ALDH3A1: variants seen among roughly 807,000 people sequenced by gnomAD.
The protein encoded by ALDH3A1 is aldehyde dehydrogenase 3 family member A1.
ALDH3A1 carries 46 observed loss-of-function variants against 49.9 expected under a neutral mutation model. That is an observed-to-expected ratio of 0.92 (90% CI 0.73 to 1.18). ALDH3A1 has a LOEUF of 1.18. ALDH3A1 is among the 50% of genes most tolerant of loss of function. The pLI, the probability that ALDH3A1 is intolerant of heterozygous loss-of-function variation, is 0.00. For synonymous variants in ALDH3A1, 269 were observed against 253.3 expected (o/e 1.06, Z -0.59); for missense variants, 592 against 611.8 (o/e 0.97, Z 0.34).
rs1187615809 is a variant in ALDH3A1, at chr17:19,748,259, C to T, written c.-6G>A. ...TAAGGAATGCAGGGAAGAGGATTAC[C>T]TTTGACACAGCCTCTCCCGGTAACT... On this transcript the variant is annotated splice_region_variant and 5_prime_UTR_variant, in exon 1 of 11. Coordinates refer to ENST00000225740, the MANE Select transcript of ALDH3A1 (RefSeq NM_000691.5). The surrounding 1 kb of genome is among the most constrained non-coding windows in gnomAD (Gnocchi z 4.4). 5.9e-6 allele frequency: 3 copies of T among 505,370 alleles called. No homozygotes were observed. The highest frequency in any genetic ancestry group is 3.2e-4 in the Middle Eastern group (1 of 3,100). The allele number at this position is 505,370 out of a possible 1,614,324, so 31.3% of individuals were successfully genotyped here.
intron 5 of ALDH3A1, among the ~76,000 whole-genome samples, chr17:19,741,616 T>C (rs1466080842): frequency 6.6e-6 from 1 of 152,126 alleles, no homozygotes; most frequent in East Asian, 1.9e-4. Flanking sequence ...GCGGTGGCCC[T>C]TCTCCCCTCT....
chr17:19,742,187 C>T lies in ALDH3A1; in HGVS notation c.506G>A (p.Gly169Asp), dbSNP rs1230054217. ...GAGCAGCTCCGTGGTCTCAGGGACA[C>T]CCCCATTGATTACTGGGTACAGATC... ...DKDLYPVING[G>D]VPETTELLKE... is the part of the protein sequence containing the mutation. Residue 169 changes from glycine to aspartate, a missense_variant, in exon 5 of 11, where the codon GGT becomes GAT. Gly to Asp is a moderately conservative substitution (Grantham distance 94). Coordinates refer to ENST00000225740, the MANE Select transcript of ALDH3A1 (RefSeq NM_000691.5). 1 of 1,613,890 alleles carries T rather than the reference C, an allele frequency of 6.2e-7. No individual in the cohort carries two copies.
rs1169457784 is a variant in ALDH3A1 at position 19,743,201 on chromosome 17, C to T, written c.394+31G>A. 1.2e-6 allele frequency: 2 copies of T among 1,611,878 alleles called. No individual in the cohort carries two copies. Among genetic ancestry groups the T allele is most frequent in the Non-Finnish European group, 1.7e-6 (2 of 1,179,384 alleles). ...GGCTCCACGCTGGGGGACGGTGCTC[C>T]CCCAGCTTCCCTTCCCACAGGGCCA... On this transcript the variant is annotated intron_variant, in intron 3 of 10. Transcript: ENST00000225740. The surrounding 1 kb of genome is among the most constrained non-coding windows in gnomAD (Gnocchi z 4.4).
chr17:19,741,254 G>A lies in ALDH3A1; in HGVS notation c.690-44C>T, dbSNP rs374462271. On this transcript the variant is annotated intron_variant, in intron 5 of 10. Coordinates refer to ENST00000225740, the MANE Select transcript of ALDH3A1 (RefSeq NM_000691.5). ...GGACTAAATCCAAAAGGTTCCCCAG[G>A]AGTTGCATCTCGTTTTGCAGACCCC... 3.9e-4 allele frequency: 615 copies of A among 1,568,398 alleles called. 3 individuals carry two copies. The South Asian group carries it at 6.3e-3, about 16-fold the overall frequency.
rs756077032 is a variant in ALDH3A1, at chr17:19,743,708, C to T, written c.163-245G>A. On this transcript the variant is annotated intron_variant, in intron 2 of 10. Coordinates refer to ENST00000225740, the MANE Select transcript of ALDH3A1 (RefSeq NM_000691.5). This position sits in a 1 kb window ranked among gnomAD's most constrained non-coding sequence, Gnocchi z 4.4. ...GGTTTGCGGCCCCAGGGGAGAGAGC[C>T]GGTGAAGGGACCAGGCATGGGCAAC... is the stretch of plus-strand genomic sequence containing the variant. 1.4e-4 allele frequency: 141 copies of T among 983,612 alleles called. No individual in the cohort carries two copies. The highest frequency in any genetic ancestry group is 1.7e-4 in the Non-Finnish European group (137 of 829,710). 60.9% of individuals were successfully genotyped at this position (983,612 alleles called of 1,614,324 possible).
At position 19,744,908 on chromosome 17, in the gene ALDH3A1, C is replaced by CCG. The variant is rs1555546881; in HGVS notation, c.162+59_162+60insCG. ...TGGGTCGCACTCTCCCCAGCCCCTC[C>CCG]CCCCACGCCCCATCGCATGGCCCCG... is the stretch of plus-strand genomic sequence containing the variant. On this transcript the variant is annotated intron_variant, in intron 2 of 10. Transcript: ENST00000225740. The CCG allele has an allele frequency of 1.7e-5, 15 of 908,424 alleles. 1 individual carries two copies. Among genetic ancestry groups the CCG allele is most frequent in the African/African-American group, 7.5e-5 (4 of 53,468 alleles). 56.3% of individuals were successfully genotyped at this position (908,424 alleles called of 1,614,324 possible). A position where few individuals can be genotyped will look rare whatever the true frequency, so the allele number is the denominator to read the frequency against.
intron 1 of ALDH3A1, among the ~76,000 whole-genome samples, chr17:19,746,638 C>CATGTGTGT (rs2086599698): frequency 6.0e-5 from 8 of 132,572 alleles, no homozygotes; most frequent in Non-Finnish European, 1.1e-4. Flanking sequence ...TGTGTGTGTG[C>CATGTGTGT]GTGTGCGTGT....
At chr17:19,741,788 C>A (rs554198397) in intron 5 of ALDH3A1, among the ~76,000 whole-genome samples, 1 of 152,252 alleles carries the variant, frequency 6.6e-6, no homozygotes, top group Admixed American at 6.5e-5. Flanking sequence ...TCAGCCTAGA[C>A]CTCTCCCCCT....
chr17:19,746,722 T>C (rs1029316699), intron 1 of ALDH3A1, among the ~76,000 whole-genome samples: 2 of 150,864 alleles, frequency 1.3e-5, no homozygotes, highest in Non-Finnish European at 3.0e-5. Context: ...TGTGCGTGTG[T>C]GTGCGCGCGT....
intron 1 of ALDH3A1, among the ~76,000 whole-genome samples, chr17:19,747,092 AC>A (rs1422911892): frequency 6.6e-6 from 1 of 152,178 alleles, no homozygotes; most frequent in African/African-American, 2.4e-5. Context: ...ATAACTTTTA[AC>A]ATCAGCAGAA....
chr17:19,745,136 TGGGGACA>T lies in ALDH3A1; in HGVS notation c.-5-9_-5-3del, dbSNP rs757670168. The T allele has an allele frequency of 1.9e-6, 3 of 1,569,184 alleles. No homozygotes were observed. In the African/African-American group the frequency reaches 4.1e-5, roughly 22 times the overall value. On this transcript the variant is annotated splice_region_variant and splice_polypyrimidine_tract_variant and intron_variant, in intron 1 of 10. Transcript: ENST00000225740. ...CCTCGCTGATCTTGCTCATGGCGCCTGGGGACAGAGAGCACCTGCAGCTGGCTGAGGG... is the reference window on the plus strand; with the variant it reads ...CCTCGCTGATCTTGCTCATGGCGCCTGAGAGCACCTGCAGCTGGCTGAGGG...
intron 6 of ALDH3A1, 31 bp from the exon 7 acceptor site, chr17:19,740,508 G>A: frequency 6.2e-7 from 1 of 1,611,492 alleles, no homozygotes; most frequent in Non-Finnish European, 8.5e-7. Flanking sequence ...CTTCGGGTAA[G>A]GACGCAGAGC....
intron 3 of ALDH3A1, chr17:19,742,832 G>C (rs747035030): frequency 3.9e-6 from 6 of 1,532,862 alleles, no homozygotes; most frequent in Non-Finnish European, 5.2e-6. Flanking sequence ...ACGGGCACAC[G>C]CTGGCCAGAG....
chr17:19,740,770 C>T (rs527427687), intron 6 of ALDH3A1, among the ~76,000 whole-genome samples: 5 of 152,228 alleles, frequency 3.3e-5, no homozygotes, highest in African/African-American at 1.2e-4. Context: ...CCAGCCTCGC[C>T]GTAGCCTTCT....
intron 1 of ALDH3A1, chr17:19,747,851 C>G (rs117345529): frequency 6.4e-6 from 1 of 156,510 alleles, no homozygotes. Flanking sequence ...GTGCATTTTA[C>G]AGATGAGGAA....
rs778081851 is a variant in ALDH3A1, at chr17:19,745,172, C to T, written c.-5-38G>A. ...AGCACCTGCAGCTGGCTGAGGGGCA[C>T]GAGCGCGCCCTGCCTCCCACCCTGC... is the stretch of plus-strand genomic sequence containing the variant. On this transcript the variant is annotated intron_variant, in intron 1 of 10. Coordinates refer to ENST00000225740, the MANE Select transcript of ALDH3A1 (RefSeq NM_000691.5). 6.6e-6 allele frequency: 10 copies of T among 1,525,614 alleles called. No individual in the cohort carries two copies. The African/African-American group carries it at 1.1e-4, about 17-fold the overall frequency. 94.5% of individuals were successfully genotyped at this position (1,525,614 alleles called of 1,614,324 possible). A position where few individuals can be genotyped will look rare whatever the true frequency, so the allele number is the denominator to read the frequency against.
At position 19,738,494 on chromosome 17, in the gene ALDH3A1, C is replaced by A. The variant is rs781146893; in HGVS notation, c.1217-41G>T. The A allele has an allele frequency of 8.2e-6, 13 of 1,589,188 alleles. No homozygotes were observed. In the South Asian group the frequency reaches 1.4e-4, roughly 18 times the overall value. Reference sequence around the variant, plus strand: ...AAGCACAGGGCTCAGCATCCTGCCCCCAGGACGCCCCAGGTTTCCCTCTCC... The same window carrying A: ...AAGCACAGGGCTCAGCATCCTGCCCACAGGACGCCCCAGGTTTCCCTCTCC... On this transcript the variant is annotated intron_variant, in intron 9 of 10. Transcript: ENST00000225740.
Position 19,745,077 on chromosome 17 carries a change from C to A in ALDH3A1, c.53G>T (p.Gly18Val). The A allele has an allele frequency of 1.3e-6, 2 of 1,593,856 alleles. No homozygotes were observed. The highest frequency in any genetic ancestry group is 8.5e-7 in the Non-Finnish European group (1 of 1,176,558). The change falls in exon 2 of 11, where the codon GGC becomes GTC. Residue 18 changes from glycine to valine, a missense_variant. Transcript: ENST00000225740. ...CCGGAACTGCAGCGGACGGGTCCTGCCCGAGCTGAAGGCGGCGCGGGCGCG... is the reference window on the plus strand; with the variant it reads ...CCGGAACTGCAGCGGACGGGTCCTGACCGAGCTGAAGGCGGCGCGGGCGCG... The part of the protein sequence containing the change: ...VKRARAAFSS[G>V]RTRPLQFRIQ...
rs2086621266 is a variant in ALDH3A1, at chr17:19,748,013, A to G, written c.-6+246T>C. 1 of 206,598 alleles carries G rather than the reference A, an allele frequency of 4.8e-6. No individual in the cohort carries two copies. Among genetic ancestry groups the G allele is most frequent in the Non-Finnish European group, 1.0e-5 (1 of 97,262 alleles). The allele number at this position is 206,598 out of a possible 1,614,324, so 12.8% of individuals were successfully genotyped here. ...TTCCAGTCATGGAGTCTGACGGCCC[A>G]TCAGGGCCTCTCACTCCACGGCCAC... On this transcript the variant is annotated intron_variant, in intron 1 of 10. Coordinates refer to ENST00000225740, the MANE Select transcript of ALDH3A1 (RefSeq NM_000691.5). The surrounding 1 kb of genome is among the most constrained non-coding windows in gnomAD (Gnocchi z 4.4).
Sources: allele counts gnomAD v4.1 joint callset (sites outside exome capture counted in the v4.1 genomes callset), GRCh38; gene constraint gnomAD v4.1.1; non-coding constraint Gnocchi (gnomAD v3.1); transcripts MANE v1.5; gene names NCBI Gene and HGNC (gene_info 2026-07-23, HGNC 2026-07-21).